Variants in UBASH3A observed in about 807,000 individuals in gnomAD.
The protein encoded by UBASH3A is ubiquitin associated and SH3 domain containing A.
UBASH3A carries 63 observed loss-of-function variants against 73.5 expected under a neutral mutation model. The observed-to-expected ratio is 0.86, with a 90% CI of 0.70 to 1.06. UBASH3A has a LOEUF of 1.06. Ranked by LOEUF, UBASH3A falls within the 50% of genes least tolerant of loss-of-function variation. The pLI is 0.00. For synonymous variants in UBASH3A, 363 were observed against 351.1 expected, an observed-to-expected ratio of 1.03 and a Z score of -0.38; for missense variants, 860 against 859.0, an observed-to-expected ratio of 1.00 and a Z score of -0.02.
At chr21:42,416,115 C>T (rs1186862709) in intron 5 of UBASH3A, among the ~76,000 whole-genome samples, 1 of 152,198 alleles carries the variant, frequency 6.6e-6, no homozygotes, top group Admixed American at 6.5e-5. Flanking sequence ...CTCGGGCCTG[C>T]AAGTCCAGGC....
At chr21:42,434,349 C>CGCCTG (rs5844117) in intron 9 of UBASH3A, among the ~76,000 whole-genome samples, 2 of 151,310 alleles carry the variant, frequency 1.3e-5, no homozygotes, top group Non-Finnish European at 3.0e-5. Flanking sequence ...CCAGTGAGCC[C>CGCCTG]ACTTCCAGCC....
intron 7 of UBASH3A, among the ~76,000 whole-genome samples, chr21:42,423,242 C>A (rs1292813568): frequency 2.0e-5 from 3 of 152,162 alleles, no homozygotes; most frequent in Non-Finnish European, 4.4e-5. Context: ...TGCAGACCAG[C>A]GGTTCAGGAG....
At chr21:42,426,661 C>T in intron 7 of UBASH3A, 36 bp from the exon 8 acceptor site, 1 of 1,609,734 alleles carries the variant, frequency 6.2e-7, no homozygotes, top group South Asian at 1.1e-5. Flanking sequence ...AACATGGTCT[C>T]ACTTCTGTTC....
rs951528531 is a variant in UBASH3A at position 42,426,709 on chromosome 21, C to T, written c.1059C>T (p.Phe353=). Residue 353 remains phenylalanine, a synonymous_variant, in exon 8 of 15, where the codon TTC becomes TTT. Coordinates refer to ENST00000319294, the MANE Select transcript of UBASH3A (RefSeq NM_018961.4). ...DTWVKHRMYT[F]SLATDLNSRK... Reference sequence around the variant, plus strand: ...CCTTCCCCTGCAGGATGTACACCTTCAGTCTAGCCACAGACCTGAACTCCA... The same window carrying T: ...CCTTCCCCTGCAGGATGTACACCTTTAGTCTAGCCACAGACCTGAACTCCA... The T allele has an allele frequency of 4.6e-5, 74 of 1,613,822 alleles. No individual in the cohort carries two copies. The highest frequency in any genetic ancestry group is 6.2e-5 in the Non-Finnish European group (73 of 1,179,860).
At position 42,403,962 on chromosome 21, in the gene UBASH3A, C is replaced by T. The variant is rs776581725; in HGVS notation, c.17C>T (p.Thr6Met). 32 of 1,514,666 alleles carry T rather than the reference C, an allele frequency of 2.1e-5. No homozygotes were observed. Among genetic ancestry groups the T allele is most frequent in the Admixed American group, 8.3e-5 (4 of 48,312 alleles). The allele number at this position is 1,514,666 out of a possible 1,614,324, so 93.8% of individuals were successfully genotyped here. ...CAGGAAGAGATGGCAGCGGGGGAGACGCAGCTCTACGCCAAGGTCTCCAAC... is the reference window on the plus strand; with the variant it reads ...CAGGAAGAGATGGCAGCGGGGGAGATGCAGCTCTACGCCAAGGTCTCCAAC... MAAGE[T>M]QLYAKVSNKL... is the part of the protein sequence containing the mutation. The change falls in exon 1 of 15, where the codon ACG (threonine) becomes ATG (methionine). Residue 6 changes from threonine (T) to methionine (M), a missense_variant. Transcript: ENST00000319294.
intron 2 of UBASH3A, among the ~76,000 whole-genome samples, chr21:42,408,898 TAA>T (rs10593164): frequency 0.016 from 2,001 of 127,706 alleles, 34 homozygotes; most frequent in East Asian, 0.022. Flanking sequence ...TAAAATAAAA[TAA>T]AATAAAATAA....
intron 7 of UBASH3A, among the ~76,000 whole-genome samples, 168 bp from the exon 8 acceptor site, chr21:42,426,529 T>C (rs143422992): frequency 6.6e-6 from 1 of 152,338 alleles, no homozygotes; most frequent in Non-Finnish European, 1.5e-5. Flanking sequence ...CATCCACACT[T>C]CCTGAGTCCT....
chr21:42,437,504 C>T lies in UBASH3A; in HGVS notation c.1410C>T (p.Asp470=), dbSNP rs766159250. Residue 470 remains aspartate, a synonymous_variant, in exon 11 of 15, where the codon GAC becomes GAT. Coordinates refer to ENST00000319294, the MANE Select transcript of UBASH3A (RefSeq NM_018961.4). The part of the protein sequence containing the change: ...QSRIAGDALL[D]SGIRISSVFA... ...ATTTTCCAGGGGACGCGCTACTGGA[C>T]AGTGGTATCAGAATCAGCTCTGTGT... The T allele has an allele frequency of 1.1e-5, 17 of 1,614,082 alleles. No individual in the cohort carries two copies. In the South Asian group the frequency reaches 1.6e-4, roughly 16 times the overall value.
chr21:42,409,565 C>G lies in UBASH3A; in HGVS notation c.311C>G (p.Ala104Gly). The G allele has an allele frequency of 6.2e-7, 1 of 1,613,856 alleles. No homozygotes were observed. Among genetic ancestry groups the G allele is most frequent in the African/African-American group, 1.3e-5 (1 of 75,006 alleles). Residue 104 changes from alanine (A) to glycine (G), a missense_variant, in exon 3 of 15, where the codon GCT (alanine) becomes GGT (glycine). Coordinates refer to ENST00000319294, the MANE Select transcript of UBASH3A (RefSeq NM_018961.4). Reference sequence around the variant, plus strand: ...AAGCGCCAGTGTGCAAAGAACAGAGCTCATGAGGTCTTCCCACACGTGACA... The same window carrying G: ...AAGCGCCAGTGTGCAAAGAACAGAGGTCATGAGGTCTTCCCACACGTGACA... ...ESKRQCAKNR[A>G]HEVFPHVTLC...
chr21:42,426,807 T>TA lies in UBASH3A; in HGVS notation c.1158dup (p.Gln387ThrfsTer37), dbSNP rs1208565043. ...CAAACGGCAAGGAGTCTTAGCAGCT[T>TA]ACAGGCCTTGCAGGTAATAGAACAT... is the stretch of plus-strand genomic sequence containing the variant. On this transcript the variant is annotated frameshift_variant, in exon 8 of 15. Transcript: ENST00000319294. LOFTEE classifies it high-confidence loss of function. The TA allele has an allele frequency of 1.2e-6, 2 of 1,614,078 alleles. No homozygotes were observed. Among genetic ancestry groups the TA allele is most frequent in the Non-Finnish European group, 1.7e-6 (2 of 1,179,984 alleles).
chr21:42,429,007 G>A (rs1197060621), intron 8 of UBASH3A, among the ~76,000 whole-genome samples: 3 of 152,098 alleles, frequency 2.0e-5, no homozygotes, highest in African/African-American at 7.2e-5. Context: ...ATGAGGAAAT[G>A]ATCCTGGGTC....
intron 8 of UBASH3A, among the ~76,000 whole-genome samples, chr21:42,428,802 G>C (rs182211967): frequency 6.6e-6 from 1 of 152,036 alleles, no homozygotes. Flanking sequence ...ACATGCATCT[G>C]CCTGTGAACT....
chr21:42,427,671 G>A (rs1033582241), intron 8 of UBASH3A, among the ~76,000 whole-genome samples: 2 of 152,182 alleles, frequency 1.3e-5, no homozygotes, highest in Non-Finnish European at 2.9e-5. Context: ...ATTGTTGGAA[G>A]GATTATGTGA....
chr21:42,423,631 A>G (rs1305126847), intron 7 of UBASH3A, among the ~76,000 whole-genome samples: 1 of 152,240 alleles, frequency 6.6e-6, no homozygotes, highest in African/African-American at 2.4e-5. Flanking sequence ...ACTCTGCAGA[A>G]GATGAGTCAG....
At chr21:42,432,467 G>A (rs1300164104) in intron 9 of UBASH3A, among the ~76,000 whole-genome samples, 6 of 136,354 alleles carry the variant, frequency 4.4e-5, no homozygotes, top group South Asian at 2.1e-4. Context: ...ACAGATGGAC[G>A]TATTCTTGAA....
intron 8 of UBASH3A, among the ~76,000 whole-genome samples, chr21:42,427,722 C>T (rs913663532): frequency 5.3e-5 from 8 of 152,104 alleles, no homozygotes; most frequent in African/African-American, 1.2e-4. Context: ...GCCCCTGGTG[C>T]GGAGAAACTA....
Position 42,404,074 on chromosome 21 carries a change from A to T in UBASH3A, c.113+16A>T. ...TGCACACCGCGTGAGTACTGCCCAG[A>T]GACCCCGGGGCCCAGCCAGTAAGGC... On this transcript the variant is annotated intron_variant, in intron 1 of 14. Coordinates refer to ENST00000319294, the MANE Select transcript of UBASH3A (RefSeq NM_018961.4). The T allele has an allele frequency of 7.0e-7, 1 of 1,418,454 alleles. No individual in the cohort carries two copies. The highest frequency in any genetic ancestry group is 9.4e-7 in the Non-Finnish European group (1 of 1,064,348). The allele number at this position is 1,418,454 out of a possible 1,614,324, so 87.9% of individuals were successfully genotyped here. A position where few individuals can be genotyped will look rare whatever the true frequency, so the allele number is the denominator to read the frequency against.
In UBASH3A at chr21:42,437,483, T is replaced by C. The variant is rs2053646840; in HGVS notation, c.1394-5T>C. 2 of 1,613,868 alleles carry C rather than the reference T, an allele frequency of 1.2e-6. No individual in the cohort carries two copies. Among genetic ancestry groups the C allele is most frequent in the African/African-American group, 1.3e-5 (1 of 74,928 alleles). On this transcript the variant is annotated splice_region_variant and splice_polypyrimidine_tract_variant and intron_variant, in intron 10 of 14. Transcript: ENST00000319294. ...GCATTTTCTGCCTTTTTCACTATTT[T>C]CCAGGGGACGCGCTACTGGACAGTG...
In UBASH3A at chr21:42,432,138, C is replaced by T. The variant is rs1430485650; in HGVS notation, c.1206C>T (p.Arg402=). Residue 402 remains arginine, a synonymous_variant, in exon 9 of 15, where the codon CGC becomes CGT. Transcript: ENST00000319294. ...CAAGGAAGAGCGTGCTGGTGGTTCG[C>T]CACGGGGAGAGAGTGGATCAGATCT... ...TVARKSVLVV[R]HGERVDQIFG... 1.2e-6 allele frequency: 2 copies of T among 1,613,620 alleles called. No individual in the cohort carries two copies. Among genetic ancestry groups the T allele is most frequent in the South Asian group, 1.1e-5 (1 of 90,954 alleles).
Sources: gnomAD v4.1 joint callset for allele counts (sites outside exome capture counted in the v4.1 genomes callset) on GRCh38, gnomAD v4.1.1 for gene constraint, MANE v1.5 for transcripts, NCBI Gene and HGNC (gene_info 2026-07-23, HGNC 2026-07-21) for gene names.